The following SPEF2 variants were observed in gnomAD, a reference collection of about 807,000 sequenced individuals.
SPEF2 encodes the protein sperm flagellar and cilia associated 2, also known as sperm flagella and cilia-associated protein 2.
Under a neutral mutation model 224.6 loss-of-function variants are expected in SPEF2, and 187 were observed. That is an observed-to-expected ratio of 0.83 (90% CI 0.74 to 0.94). The LOEUF (loss-of-function observed/expected upper bound fraction) is 0.94, where lower values mean the gene tolerates loss of function less well. Among genes scored for constraint, SPEF2 ranks in the 40% least tolerant of loss-of-function variants. The pLI, the probability that SPEF2 is intolerant of heterozygous loss-of-function variation, is 0.00. For missense variants in SPEF2, 2,170 were observed against 2,135.6 expected (o/e 1.02, Z -0.32); for synonymous variants, 715 against 707.3 (o/e 1.01, Z -0.17).
intron 8 of SPEF2, among the ~76,000 whole-genome samples, chr5:35,666,703 A>C (rs191584116): frequency 2.0e-5 from 3 of 152,298 alleles, no homozygotes; most frequent in Admixed American, 6.5e-5. Context: ...GGGGTCAGCT[A>C]TGCTTAGGGT....
rs375008153 is a variant in SPEF2 at position 35,743,071 on chromosome 5, A to G, written c.3330+2804A>G. Reference sequence around the variant, plus strand: ...TGAGAAGACTCTAAAATATATTAACATAGACTTACATATAATATATACATA... The same window carrying G: ...TGAGAAGACTCTAAAATATATTAACGTAGACTTACATATAATATATACATA... On this transcript the variant is annotated intron_variant, in intron 23 of 36. Transcript: ENST00000356031. Among the ~76,000 whole-genome samples the G allele has an allele frequency of 1.2e-3, 181 of 151,584 alleles. 6 individuals are homozygous for G. The South Asian group carries it at 0.035, about 29-fold the overall frequency.
intron 12 of SPEF2, 29 bp downstream of exon 12, chr5:35,692,753 C>G (rs370918883): frequency 1.3e-6 from 2 of 1,596,992 alleles, no homozygotes; most frequent in South Asian, 1.1e-5. Context: ...TTCTCTTCTG[C>G]GCCTAGTACA....
intron 30 of SPEF2, among the ~76,000 whole-genome samples, chr5:35,792,128 G>C (rs1756049270): frequency 6.6e-6 from 1 of 151,870 alleles, no homozygotes; most frequent in African/African-American, 2.4e-5. Flanking sequence ...AGCCAAAAAA[G>C]GCATTTTGAC....
At chr5:35,661,166 C>T (rs958508013) in intron 8 of SPEF2, among the ~76,000 whole-genome samples, 1 of 150,038 alleles carries the variant, frequency 6.7e-6, no homozygotes, top group Non-Finnish European at 1.5e-5. Context: ...GTATCATTCA[C>T]TAACTAAACA....
chr5:35,677,738 C>T (rs572615459), intron 10 of SPEF2, among the ~76,000 whole-genome samples: 3 of 152,244 alleles, frequency 2.0e-5, no homozygotes, highest in Non-Finnish European at 4.4e-5. Context: ...GAAGCCCCTA[C>T]CTATTGTCTG....
At chr5:35,709,537 A>C in intron 19 of SPEF2, 1 of 987,972 alleles carries the variant, frequency 1.0e-6, no homozygotes, top group Non-Finnish European at 1.2e-6. Flanking sequence ...ATAAGGGAAC[A>C]AATTAACAGC....
Position 35,641,655 on chromosome 5 carries a change from A to G in SPEF2, c.386A>G (p.Gln129Arg). 1 of 1,613,444 alleles carries G rather than the reference A, an allele frequency of 6.2e-7. No individual in the cohort carries two copies. Among genetic ancestry groups the G allele is most frequent in the Non-Finnish European group, 8.5e-7 (1 of 1,179,630 alleles). Reference protein sequence around the residue: ...TMQRLTNLRLQNMKSDTFQER... With the variant: ...TMQRLTNLRLRNMKSDTFQER... ...CAACGTCTGACAAATTTAAGACTTC[A>G]AAACATGAAAAGTGATACTTTTCAA... The change falls in exon 3 of 37, where the codon CAA becomes CGA. Residue 129 changes from glutamine to arginine, a missense_variant. Transcript: ENST00000356031.
In SPEF2 at chr5:35,800,098, G is replaced by C; in HGVS notation, c.4961G>C (p.Gly1654Ala). 1 of 1,614,072 alleles carries C rather than the reference G, an allele frequency of 6.2e-7. No homozygotes were observed. The highest frequency in any genetic ancestry group is 1.1e-5 in the South Asian group (1 of 91,056). ...TACAGGGCCCTCAGTGTGGCTGTTG[G>C]AACTCATGTCTTCCAACAAGTCAAA... is the stretch of plus-strand genomic sequence containing the variant. Reference protein sequence around the residue: ...GVYRALSVAVGTHVFQQVKAS... With the variant: ...GVYRALSVAVATHVFQQVKAS... Residue 1654 changes from glycine to alanine, a missense_variant, in exon 34 of 37, where the codon GGA (glycine) becomes GCA (alanine). Gly to Ala is a moderately conservative substitution (Grantham distance 60). Coordinates refer to ENST00000356031, the MANE Select transcript of SPEF2 (RefSeq NM_024867.4).
chr5:35,667,130 T>A lies in SPEF2; in HGVS notation c.1226T>A (p.Phe409Tyr), dbSNP rs768660207. 6.2e-6 allele frequency: 10 copies of A among 1,611,082 alleles called. No individual in the cohort carries two copies. The highest frequency in any genetic ancestry group is 8.5e-6 in the Non-Finnish European group (10 of 1,179,136). ...FEEQFLKEKR[F>Y]HDQIAVERAQ... is the part of the protein sequence containing the mutation. ...GAACAATTCCTTAAAGAAAAGAGAT[T>A]TCATGATCAGATTGCTGTGGAAAGA... Residue 409 changes from phenylalanine (F) to tyrosine (Y), a missense_variant, in exon 9 of 37, where the codon TTT becomes TAT. Coordinates refer to ENST00000356031, the MANE Select transcript of SPEF2 (RefSeq NM_024867.4).
At chr5:35,757,873 AT>A (rs962515008) in intron 24 of SPEF2, among the ~76,000 whole-genome samples, 5 of 152,220 alleles carry the variant, frequency 3.3e-5, no homozygotes, top group African/African-American at 1.2e-4. Context: ...TGGTACTTTT[AT>A]TTTTTAACTT....
At chr5:35,782,448 A>G (rs900263492) in intron 30 of SPEF2, among the ~76,000 whole-genome samples, 2 of 152,122 alleles carry the variant, frequency 1.3e-5, no homozygotes, top group African/African-American at 4.8e-5. Flanking sequence ...AAACAGATGG[A>G]TTTTTTTGGG....
At chr5:35,631,767 AT>A (rs2149378450) in intron 2 of SPEF2, among the ~76,000 whole-genome samples, 1 of 152,352 alleles carries the variant, frequency 6.6e-6, no homozygotes, top group South Asian at 2.1e-4. Context: ...ATTCAAAAAT[AT>A]TTGGGAAAAA....
chr5:35,672,911 T>G (rs1480630050), intron 10 of SPEF2, among the ~76,000 whole-genome samples: 1 of 152,204 alleles, frequency 6.6e-6, no homozygotes. Flanking sequence ...ACCTAGAAAT[T>G]GCAATTAAAA....
intron 9 of SPEF2, among the ~76,000 whole-genome samples, chr5:35,668,152 T>C (rs913869844): frequency 3.9e-5 from 6 of 152,108 alleles, no homozygotes; most frequent in African/African-American, 1.4e-4. Context: ...GCAATTACAC[T>C]TCTGGGCATT....
intron 28 of SPEF2, among the ~76,000 whole-genome samples, chr5:35,774,909 C>T (rs971533574): frequency 2.0e-5 from 3 of 152,202 alleles, no homozygotes; most frequent in African/African-American, 7.2e-5. Flanking sequence ...AGGACAGATG[C>T]ATCTCCCATA....
intron 30 of SPEF2, among the ~76,000 whole-genome samples, chr5:35,784,381 G>T (rs1754799933): frequency 6.6e-6 from 1 of 152,168 alleles, no homozygotes; most frequent in East Asian, 1.9e-4. Flanking sequence ...GCCCGCCTCA[G>T]CCTCCCAAAG....
In SPEF2 at chr5:35,776,386, A is replaced by C. The variant is rs780040099; in HGVS notation, c.4208A>C (p.Glu1403Ala). The change falls in exon 29 of 37, where the codon GAA (glutamate) becomes GCA (alanine). Residue 1403 changes from glutamate (E) to alanine (A), a missense_variant. Coordinates refer to ENST00000356031, the MANE Select transcript of SPEF2 (RefSeq NM_024867.4). ...EKWLGERYLN[E>A]MASTEKLTDV... ...TGGCTTGGTGAGAGGTATTTGAATGAAATGGCCAGGTAAAGTACTACATGA... is the reference window on the plus strand; with the variant it reads ...TGGCTTGGTGAGAGGTATTTGAATGCAATGGCCAGGTAAAGTACTACATGA... The C allele has an allele frequency of 1.7e-5, 27 of 1,608,782 alleles. No homozygotes were observed. The highest frequency in any genetic ancestry group is 2.2e-5 in the Non-Finnish European group (26 of 1,178,090).
intron 10 of SPEF2, among the ~76,000 whole-genome samples, chr5:35,680,109 A>G (rs1232460966): frequency 2.6e-5 from 4 of 152,226 alleles, no homozygotes; most frequent in African/African-American, 9.6e-5. Flanking sequence ...TGGCATTACA[A>G]CATCTCTTTC....
chr5:35,779,653 C>G (rs1480488009), intron 30 of SPEF2, among the ~76,000 whole-genome samples: 1 of 152,134 alleles, frequency 6.6e-6, no homozygotes, highest in Non-Finnish European at 1.5e-5. Flanking sequence ...TGGCAGCTTA[C>G]AGAAAGACTT....
Sources: gnomAD v4.1 joint callset for allele counts (sites outside exome capture counted in the v4.1 genomes callset) on GRCh38, gnomAD v4.1.1 for gene constraint, MANE v1.5 for transcripts, NCBI Gene and HGNC (gene_info 2026-07-23, HGNC 2026-07-21) for gene names.